The following BICRA variants were observed in gnomAD, a reference collection of about 807,000 sequenced individuals.
BICRA encodes BRD4 interacting chromatin remodeling complex associated protein.
BICRA carries 31 observed loss-of-function variants against 96.9 expected under a neutral mutation model. The observed-to-expected ratio is 0.32, with a 90% CI of 0.24 to 0.43. The LOEUF is 0.43. BICRA is among the 20% of genes least tolerant of loss of function. The probability of loss-of-function intolerance (pLI) is 1.00; values close to 1 mark genes in which losing one functional copy is unlikely to be tolerated. For missense variants in BICRA, 2,283 were observed against 2,190.3 expected (o/e 1.04, Z -0.84); for synonymous variants, 1,350 against 1,071.8 (o/e 1.26, Z -5.07).
chr19:47,681,902 G>A, intron 6 of BICRA, 74 bp from the exon 7 acceptor site: 2 of 1,031,504 alleles, frequency 1.9e-6, no homozygotes, highest in Non-Finnish European at 2.8e-6. Context: ...GTCAATAGGG[G>A]CAGGGGTCTC....
At chr19:47,624,377 T>G (rs982134372) in intron 1 of BICRA, among the ~76,000 whole-genome samples, 2 of 152,046 alleles carry the variant, frequency 1.3e-5, no homozygotes, top group African/African-American at 4.8e-5. Context: ...TGCAGTAAAG[T>G]GAGTATCACA....
intron 1 of BICRA, among the ~76,000 whole-genome samples, chr19:47,644,955 C>T (rs558659938): frequency 2.6e-5 from 4 of 152,262 alleles, no homozygotes; most frequent in South Asian, 2.1e-4. Flanking sequence ...TTCTCCTAAA[C>T]GATTTGAGAG....
At chr19:47,655,867 AAAAAT>A (rs1225154487) in intron 1 of BICRA, among the ~76,000 whole-genome samples, 4 of 115,690 alleles carry the variant, frequency 3.5e-5, no homozygotes, top group South Asian at 3.0e-4. Flanking sequence ...AAAAAAAAAT[AAAAAT>A]AAAAATAAAA....
chr19:47,610,274 G>A (rs1971882374), intron 1 of BICRA, among the ~76,000 whole-genome samples: 1 of 152,212 alleles, frequency 6.6e-6, no homozygotes, highest in African/African-American at 2.4e-5. Context: ...CCCGACTCCT[G>A]TCACGGGCGG....
At chr19:47,674,604 T>A (rs779000813) in intron 4 of BICRA, among the ~76,000 whole-genome samples, 1 of 152,100 alleles carries the variant, frequency 6.6e-6, no homozygotes, top group Non-Finnish European at 1.5e-5. Context: ...TCAGGGACTC[T>A]CATGAGGTTG....
chr19:47,666,633 G>A (rs1257148580), intron 1 of BICRA, among the ~76,000 whole-genome samples: 1 of 151,328 alleles, frequency 6.6e-6, no homozygotes, highest in African/African-American at 2.4e-5. Context: ...GTGTGGTGGT[G>A]CAATCTTGGT....
At chr19:47,613,466 G>A (rs1445807935) in intron 1 of BICRA, among the ~76,000 whole-genome samples, 1 of 152,156 alleles carries the variant, frequency 6.6e-6, no homozygotes, top group Non-Finnish European at 1.5e-5. Context: ...AGAGGGGTGG[G>A]GAGTATGGTT....
intron 7 of BICRA, among the ~76,000 whole-genome samples, chr19:47,691,619 A>AGTG (rs1215811895): frequency 6.6e-6 from 1 of 152,110 alleles, no homozygotes; most frequent in East Asian, 1.9e-4. Flanking sequence ...TCTGGAGTGC[A>AGTG]GTGGTACAAT....
chr19:47,618,353 T>G lies in BICRA; in HGVS notation c.-108+9185T>G, dbSNP rs573941588. On this transcript the variant is annotated intron_variant, in intron 1 of 14. Coordinates refer to ENST00000594866, the MANE Select transcript of BICRA (RefSeq NM_001394372.1). ...AGCTATTTCCCTCCTTTAGTCCAGG[T>G]TAGAGAACTGGAAGTACAGGAGAGA... Among the ~76,000 whole-genome samples the G allele has an allele frequency of 4.8e-4, 73 of 152,256 alleles. 3 individuals carry two copies. In the South Asian group the frequency reaches 0.012, roughly 26 times the overall value.
At chr19:47,630,449 G>T (rs147228984) in intron 1 of BICRA, among the ~76,000 whole-genome samples, 2 of 152,026 alleles carry the variant, frequency 1.3e-5, no homozygotes. Context: ...TGGGATTACA[G>T]GTGTGAGCCA....
At chr19:47,669,413 C>T (rs978694762) in intron 1 of BICRA, among the ~76,000 whole-genome samples, 4 of 152,056 alleles carry the variant, frequency 2.6e-5, no homozygotes, top group African/African-American at 7.2e-5. Flanking sequence ...CCAGGAGTGG[C>T]AGCTCAGCGT....
chr19:47,674,672 T>G (rs1972915339), intron 4 of BICRA, among the ~76,000 whole-genome samples: 1 of 152,180 alleles, frequency 6.6e-6, no homozygotes. Flanking sequence ...GGCTGGCAGA[T>G]GTGCTTCCAC....
At chr19:47,620,659 G>A (rs1388674603) in intron 1 of BICRA, among the ~76,000 whole-genome samples, 1 of 89,552 alleles carries the variant, frequency 1.1e-5, no homozygotes, top group Non-Finnish European at 2.0e-5. Context: ...GACAGAGTGA[G>A]ACTGTCTCAA....
chr19:47,626,373 T>A (rs901680860), intron 1 of BICRA: 2 of 152,556 alleles, frequency 1.3e-5, no homozygotes, highest in Non-Finnish European at 2.9e-5. Context: ...GTCTGCTTCC[T>A]GGATGGAGCC....
intron 1 of BICRA, among the ~76,000 whole-genome samples, chr19:47,621,924 T>C (rs188437560): frequency 3.0e-4 from 46 of 152,180 alleles, no homozygotes; most frequent in African/African-American, 1.1e-3. Flanking sequence ...CTCAAGTAGC[T>C]GGTGTTACAG....
chr19:47,673,665 T>A, intron 3 of BICRA, 50 bp downstream of exon 3: 2 of 1,459,492 alleles, frequency 1.4e-6, no homozygotes, highest in Non-Finnish European at 1.9e-6. Flanking sequence ...CCCCCTCCCT[T>A]CCCTCCCCTC....
At chr19:47,668,849 G>A (rs1972822273) in intron 1 of BICRA, among the ~76,000 whole-genome samples, 1 of 151,722 alleles carries the variant, frequency 6.6e-6, no homozygotes, top group Non-Finnish European at 1.5e-5. Flanking sequence ...GCCAGGCGCA[G>A]TGGCTCACTC....
chr19:47,680,052 G>T lies in BICRA; in HGVS notation c.882G>T (p.Ser294=). Residue 294 remains serine (S), a synonymous_variant, in exon 6 of 15, where the codon TCG becomes TCT. Coordinates refer to ENST00000594866, the MANE Select transcript of BICRA (RefSeq NM_001394372.1). ...GCCTGGTCATCCAGAAGAACCTCTC[G>T]GCCGCTGTGGCCACCACGCTCAATG... ...GAGLVIQKNL[S]AAVATTLNGN... The T allele has an allele frequency of 1.3e-6, 2 of 1,556,868 alleles. No homozygotes were observed. Among genetic ancestry groups the T allele is most frequent in the African/African-American group, 1.4e-5 (1 of 72,334 alleles).
intron 4 of BICRA, among the ~76,000 whole-genome samples, chr19:47,674,428 C>T (rs552002821): frequency 3.9e-5 from 6 of 152,252 alleles, no homozygotes; most frequent in East Asian, 3.9e-4. Context: ...TCCCAGAGAA[C>T]GGAACAAAAT....
Sources: gnomAD v4.1 joint callset for allele counts (sites outside exome capture counted in the v4.1 genomes callset) on GRCh38, gnomAD v4.1.1 for gene constraint, MANE v1.5 for transcripts, NCBI Gene and HGNC (gene_info 2026-07-23, HGNC 2026-07-21) for gene names.